RMND1: variants seen among roughly 807,000 people sequenced by gnomAD.
The protein encoded by RMND1 is required for meiotic nuclear division protein 1 homolog.
RMND1 carries 41 observed loss-of-function variants against 54.0 expected under a neutral mutation model. The observed-to-expected ratio is 0.76, with a 90% CI of 0.59 to 0.98. The LOEUF (loss-of-function observed/expected upper bound fraction) is 0.98. Ranked by LOEUF, RMND1 falls within the 50% of genes least tolerant of loss-of-function variation. The pLI, the probability that RMND1 is intolerant of heterozygous loss-of-function variation, is 0.00. For synonymous variants in RMND1, 183 were observed against 181.7 expected (o/e 1.01, Z -0.06); for missense variants, 457 against 532.0 (o/e 0.86, Z 1.39).
chr6:151,447,906 C>A (rs1351400482), intron 1 of RMND1, among the ~76,000 whole-genome samples: 1 of 151,438 alleles, frequency 6.6e-6, no homozygotes, highest in Admixed American at 6.6e-5. Context: ...CTCCGCCTCC[C>A]CGGTTCAAGC....
At chr6:151,435,797 G>C (rs867807371) in intron 3 of RMND1, among the ~76,000 whole-genome samples, 1 of 150,736 alleles carries the variant, frequency 6.6e-6, no homozygotes. Context: ...TCAACTTCAT[G>C]GTTCTTCTAT....
At chr6:151,416,818 C>G (rs979043729) in intron 10 of RMND1, 1 of 153,068 alleles carries the variant, frequency 6.5e-6, no homozygotes. Context: ...AGTCTGTCAC[C>G]TCCCCTCTCT....
Position 151,422,610 on chromosome 6 carries a change from GAAA to G in RMND1, c.938-8_938-6del. The G allele has an allele frequency of 7.0e-7, 1 of 1,437,562 alleles. No individual in the cohort carries two copies. Among genetic ancestry groups the G allele is most frequent in the Non-Finnish European group, 9.5e-7 (1 of 1,055,286 alleles). The allele number at this position is 1,437,562 out of a possible 1,614,324, so 89.1% of individuals were successfully genotyped here. ...CTTCCCAAATTGCCAGTTTTACTGG[GAAA>G]AAAATTAATAATGGAACATTTCTTT... On this transcript the variant is annotated splice_polypyrimidine_tract_variant and splice_region_variant and intron_variant, in intron 7 of 11. Transcript: ENST00000444024.
chr6:151,410,894 C>T (rs938348587), intron 10 of RMND1, among the ~76,000 whole-genome samples: 1 of 152,164 alleles, frequency 6.6e-6, no homozygotes, highest in African/African-American at 2.4e-5. Context: ...AGGTCTTCTA[C>T]ATACAAGATC....
At chr6:151,439,809 G>A (rs768496012) in intron 2 of RMND1, among the ~76,000 whole-genome samples, 3 of 151,960 alleles carry the variant, frequency 2.0e-5, no homozygotes, top group Non-Finnish European at 4.4e-5. Flanking sequence ...ACAGGCATGC[G>A]CCACCACGCC....
intron 4 of RMND1, among the ~76,000 whole-genome samples, chr6:151,431,489 G>A (rs1264364289): frequency 1.3e-5 from 2 of 152,140 alleles, no homozygotes; most frequent in South Asian, 4.1e-4. Flanking sequence ...TCAGGATACG[G>A]ATTTGAGAGG....
chr6:151,443,753 T>C (rs1206667927), intron 2 of RMND1, among the ~76,000 whole-genome samples: 1 of 152,216 alleles, frequency 6.6e-6, no homozygotes, highest in Non-Finnish European at 1.5e-5. Context: ...AACTCCTTAA[T>C]TTCAGTGCTG....
In RMND1 at chr6:151,445,794, G is replaced by C. The variant is rs1489199359; in HGVS notation, c.18C>G (p.Leu6=). MPATL[L]RAVARSHHIL... ...TATGATGAGATCTGGCCACGGCTCT[G>C]AGGAGTGTGGCTGGCATTACCACAT... The change falls in exon 2 of 12, where the codon CTC becomes CTG. Residue 6 remains leucine (L), a synonymous_variant. Transcript: ENST00000444024. The C allele has an allele frequency of 6.2e-7, 1 of 1,607,550 alleles. No individual in the cohort carries two copies. Among genetic ancestry groups the C allele is most frequent in the Middle Eastern group, 1.7e-4 (1 of 5,992 alleles).
chr6:151,424,693 T>C (rs1435937026), intron 6 of RMND1, among the ~76,000 whole-genome samples: 3 of 151,718 alleles, frequency 2.0e-5, no homozygotes, highest in Admixed American at 6.6e-5. Context: ...CATGATGGGG[T>C]TGGGGAGGGA....
At chr6:151,418,612 T>G (rs1024339046) in intron 9 of RMND1, 3 of 151,880 alleles carry the variant, frequency 2.0e-5, no homozygotes, top group African/African-American at 7.3e-5. Context: ...AGGTAAAAAT[T>G]GATAAATCTT....
At chr6:151,431,781 T>C (rs972727043) in intron 4 of RMND1, among the ~76,000 whole-genome samples, 1 of 152,208 alleles carries the variant, frequency 6.6e-6, no homozygotes. Flanking sequence ...ATATGCTGGG[T>C]TGAATAAAAT....
chr6:151,419,634 A>G (rs1340151867), intron 9 of RMND1, among the ~76,000 whole-genome samples: 1 of 148,916 alleles, frequency 6.7e-6, no homozygotes, highest in Non-Finnish European at 1.5e-5. Flanking sequence ...TGATCATGCC[A>G]CTGCACTCTA....
In RMND1 at chr6:151,450,577, T is replaced by TG. The variant is rs555121094; in HGVS notation, c.-15+1438dup. 7.9e-3 allele frequency among the ~76,000 whole-genome samples: 877 copies of TG among 111,638 alleles called. 13 individuals carry two copies. Among genetic ancestry groups the TG allele is most frequent in the African/African-American group, 0.029 (814 of 27,864 alleles). 73.2% of individuals were successfully genotyped at this position (111,638 alleles called of 152,430 possible). The stretch of plus-strand genomic sequence containing the variant: ...CCAGCCGCCCCGTCCGGGAGGGAGG[T>TG]GGGGGGGTCAGCCCCCCGCCCGGCC... On this transcript the variant is annotated intron_variant, in intron 1 of 11. Coordinates refer to ENST00000444024, the MANE Select transcript of RMND1 (RefSeq NM_017909.4).
intron 5 of RMND1, among the ~76,000 whole-genome samples, chr6:151,428,116 A>T (rs1780354380): frequency 6.6e-6 from 1 of 152,144 alleles, no homozygotes; most frequent in African/African-American, 2.4e-5. Context: ...CTATCTCAAA[A>T]AAATAAATAA....
intron 10 of RMND1, among the ~76,000 whole-genome samples, chr6:151,409,464 T>C (rs1242579697): frequency 1.3e-5 from 2 of 152,124 alleles, no homozygotes; most frequent in East Asian, 1.9e-4. Flanking sequence ...ACTGAAAAGG[T>C]TTACCATTTT....
chr6:151,438,951 T>G (rs530484659), intron 2 of RMND1, among the ~76,000 whole-genome samples: 1 of 152,126 alleles, frequency 6.6e-6, no homozygotes, highest in African/African-American at 2.4e-5. Context: ...CTGGCTCTAT[T>G]AAAAATACAA....
intron 2 of RMND1, chr6:151,444,624 A>T (rs1582969580): frequency 7.6e-6 from 1 of 132,318 alleles, no homozygotes; most frequent in African/African-American, 2.6e-5. Context: ...TTTAAAGTTG[A>T]TGACTATCGG....
chr6:151,437,209 T>C (rs1780639274), intron 2 of RMND1, among the ~76,000 whole-genome samples: 1 of 152,154 alleles, frequency 6.6e-6, no homozygotes, highest in Non-Finnish European at 1.5e-5. Flanking sequence ...AAACTGTAAG[T>C]CACAACACAT....
chr6:151,439,005 T>G (rs779804161), intron 2 of RMND1, among the ~76,000 whole-genome samples: 6 of 152,114 alleles, frequency 3.9e-5, no homozygotes, highest in Non-Finnish European at 8.8e-5. Flanking sequence ...TCCCAGCTAC[T>G]TGGGAGGCCA....
Sources: allele counts gnomAD v4.1 joint callset (sites outside exome capture counted in the v4.1 genomes callset), GRCh38; gene constraint gnomAD v4.1.1; transcripts MANE v1.5; gene names NCBI Gene and HGNC (gene_info 2026-07-23, HGNC 2026-07-21).